ZNF84: variants seen among roughly 807,000 people sequenced by gnomAD.
The protein encoded by ZNF84 is zinc finger protein HPF2.
A neutral mutation model predicts 14.8 loss-of-function variants in ZNF84; 12 were observed. The observed-to-expected ratio is 0.81, with a 90% CI of 0.52 to 1.31. The LOEUF (loss-of-function observed/expected upper bound fraction) is 1.31. Ranked by LOEUF, ZNF84 falls within the 50% of genes most tolerant of loss-of-function variation. The probability of loss-of-function intolerance (pLI) is 0.00; values close to 1 mark genes in which losing one functional copy is unlikely to be tolerated. For missense variants in ZNF84, 859 were observed against 878.6 expected, an observed-to-expected ratio of 0.98 and a Z score of 0.28; for synonymous variants, 347 against 291.1, an observed-to-expected ratio of 1.19 and a Z score of -1.96.
rs1205264629 is a variant in ZNF84 at position 133,058,479 on chromosome 12, C to T, written c.1764C>T (p.Thr588=). The change falls in exon 5 of 5, where the codon ACC becomes ACT. Residue 588 remains threonine, a synonymous_variant. Transcript: ENST00000539354. ...KAFSQKSQLN[T]HQRIHTGEKP... ...TCTCCCAGAAATCACAGCTAAATAC[C>T]CATCAGAGAATTCACACTGGAGAGA... 5.6e-6 allele frequency: 9 copies of T among 1,613,292 alleles called. No individual in the cohort carries two copies. In the African/African-American group the frequency reaches 1.2e-4, roughly 22 times the overall value.
rs1954232409 is a variant in ZNF84 at position 133,060,042 on chromosome 12, T to C, written c.*1110T>C. 6.6e-6 allele frequency: 1 copy of C among 152,174 alleles called. No individual in the cohort carries two copies. Among genetic ancestry groups the C allele is most frequent in the Admixed American group, 6.5e-5 (1 of 15,274 alleles). The allele number at this position is 152,174 out of a possible 1,614,324, so 9.4% of individuals were successfully genotyped here. ...GCAAAATAAAGGTGTGTGAACTACA[T>C]TACAACACCCAAACTAAATGAAATA... On this transcript the variant is annotated 3_prime_UTR_variant, in exon 5 of 5. Coordinates refer to ENST00000539354, the MANE Select transcript of ZNF84 (RefSeq NM_001289971.2).
intron 4 of ZNF84, among the ~76,000 whole-genome samples, chr12:133,052,211 C>T (rs1384453508): frequency 2.0e-5 from 3 of 152,116 alleles, no homozygotes; most frequent in African/African-American, 4.8e-5. Context: ...ATCAAGGTAC[C>T]ACCATGATCT....
intron 4 of ZNF84, among the ~76,000 whole-genome samples, chr12:133,050,326 C>T (rs1337849822): frequency 6.6e-6 from 1 of 152,154 alleles, no homozygotes; most frequent in East Asian, 1.9e-4. Flanking sequence ...TACTAACTCC[C>T]ATCTCTCAGT....
intron 1 of ZNF84, among the ~76,000 whole-genome samples, chr12:133,040,136 C>T (rs894213918): frequency 6.6e-6 from 1 of 151,984 alleles, no homozygotes; most frequent in Non-Finnish European, 1.5e-5. Flanking sequence ...GCCATCGCTC[C>T]TGGCCAATTT....
Position 133,058,636 on chromosome 12 carries a change from A to T in ZNF84, c.1921A>T (p.Ser641Cys), listed in dbSNP as rs1230271156. ...TAGAAAAGCCTTCAGGGAGAAGTCA[A>T]GTCTCATCAATCATCAGAGAATACA... is the stretch of plus-strand genomic sequence containing the variant. Reference protein sequence around the residue: ...ECRKAFREKSSLINHQRIHTG... With the variant: ...ECRKAFREKSCLINHQRIHTG... The change falls in exon 5 of 5, where the codon AGT (serine) becomes TGT (cysteine). Residue 641 changes from serine to cysteine, a missense_variant. Ser to Cys is a moderately radical substitution (Grantham distance 112). Coordinates refer to ENST00000539354, the MANE Select transcript of ZNF84 (RefSeq NM_001289971.2). 1.9e-6 allele frequency: 3 copies of T among 1,614,060 alleles called. No individual in the cohort carries two copies. Among genetic ancestry groups the T allele is most frequent in the Non-Finnish European group, 2.5e-6 (3 of 1,180,024 alleles).
intron 4 of ZNF84, among the ~76,000 whole-genome samples, chr12:133,054,196 A>G (rs1954113925): frequency 6.6e-6 from 1 of 152,134 alleles, no homozygotes; most frequent in African/African-American, 2.4e-5. Flanking sequence ...AGCCTGGACA[A>G]CATAGGGAGA....
In ZNF84 at chr12:133,041,239, CAATGTG is replaced by C. The variant is rs1953881748; in HGVS notation, c.-190-35_-190-30del. The C allele has an allele frequency of 4.0e-6, 2 of 503,588 alleles. 1 individual carries two copies. The highest frequency in any genetic ancestry group is 7.4e-5 in the Admixed American group (2 of 27,202). 31.2% of individuals were successfully genotyped at this position (503,588 alleles called of 1,614,324 possible). ...GCAAGAGAGAAAGAGATTTCATGTG[CAATGTG>C]AATATACCAGTTGAAGTACATTTCT... On this transcript the variant is annotated intron_variant, in intron 1 of 4. Transcript: ENST00000539354.
intron 2 of ZNF84, among the ~76,000 whole-genome samples, chr12:133,044,758 C>T (rs1227376235): frequency 2.6e-5 from 4 of 151,520 alleles, no homozygotes; most frequent in African/African-American, 7.3e-5. Flanking sequence ...TATAATAATA[C>T]AAAAAATTAG....
intron 2 of ZNF84, chr12:133,047,566 G>C (rs1954003268): frequency 6.4e-6 from 1 of 157,046 alleles, no homozygotes; most frequent in African/African-American, 2.4e-5. Context: ...AACCAGGCCC[G>C]ACCCTGCTTA....
chr12:133,063,173 T>C lies in ZNF84; in HGVS notation c.*4241T>C, dbSNP rs1566291752. On this transcript the variant is annotated 3_prime_UTR_variant, in exon 5 of 5. Coordinates refer to ENST00000539354, the MANE Select transcript of ZNF84 (RefSeq NM_001289971.2). The stretch of plus-strand genomic sequence containing the variant: ...AAGCAAAATCAAGAAAGAGTCCCGA[T>C]TGTGTTCCAGTACCTGGTTCTTCTG... 2 of 702,356 alleles carry C rather than the reference T, an allele frequency of 2.8e-6. No individual in the cohort carries two copies. Among genetic ancestry groups the C allele is most frequent in the Non-Finnish European group, 5.2e-6 (2 of 384,826 alleles). The allele number at this position is 702,356 out of a possible 1,614,324, so 43.5% of individuals were successfully genotyped here.
At chr12:133,049,941 T>C (rs1392847969) in intron 4 of ZNF84, among the ~76,000 whole-genome samples, 1 of 152,170 alleles carries the variant, frequency 6.6e-6, no homozygotes, top group East Asian at 1.9e-4. Flanking sequence ...GATTCTAATA[T>C]TTTACAGGCT....
intron 2 of ZNF84, among the ~76,000 whole-genome samples, chr12:133,047,099 C>T (rs933523763): frequency 1.7e-4 from 26 of 151,382 alleles, no homozygotes; most frequent in Non-Finnish European, 2.4e-4. Context: ...CCTTGCCTAT[C>T]CTATTTTCTT....
At chr12:133,048,357 A>G (rs927956613) in intron 3 of ZNF84, 5 of 328,844 alleles carry the variant, frequency 1.5e-5, no homozygotes, top group Admixed American at 4.2e-5. Context: ...ATAACTTACT[A>G]TATGCCACAT....
rs1954253817 is a variant in ZNF84, at chr12:133,060,988, C to G, written c.*2056C>G. The stretch of plus-strand genomic sequence containing the variant: ...TGTTGTATCAGTATGGTATTTTGCA[C>G]CTTTACCTTAAACAATATTTTCTCC... On this transcript the variant is annotated 3_prime_UTR_variant, in exon 5 of 5. Coordinates refer to ENST00000539354, the MANE Select transcript of ZNF84 (RefSeq NM_001289971.2). The G allele has an allele frequency of 1.3e-5, 2 of 152,092 alleles. No homozygotes were observed. The highest frequency in any genetic ancestry group is 2.9e-5 in the Non-Finnish European group (2 of 68,004). 9.4% of individuals were successfully genotyped at this position (152,092 alleles called of 1,614,324 possible). A position where few individuals can be genotyped will look rare whatever the true frequency, so the allele number is the denominator to read the frequency against.
rs1954265411 is a variant in ZNF84, at chr12:133,061,579, T to C, written c.*2647T>C. The C allele has an allele frequency of 6.6e-6, 1 of 152,182 alleles. No individual in the cohort carries two copies. The highest frequency in any genetic ancestry group is 2.4e-5 in the African/African-American group (1 of 41,444). 9.4% of individuals were successfully genotyped at this position (152,182 alleles called of 1,614,324 possible). A position where few individuals can be genotyped will look rare whatever the true frequency, so the allele number is the denominator to read the frequency against. On this transcript the variant is annotated 3_prime_UTR_variant, in exon 5 of 5. Coordinates refer to ENST00000539354, the MANE Select transcript of ZNF84 (RefSeq NM_001289971.2). ...ACAGGGTGATGTTGTACTTTGTGAT[T>C]TTTGCCCTATTTTTTCTTTCCATCT...
rs949814865 is a variant in ZNF84, at chr12:133,040,177, T to A, written c.-190-1101T>A. 3.9e-5 allele frequency among the ~76,000 whole-genome samples: 6 copies of A among 152,138 alleles called. No individual in the cohort carries two copies. In the South Asian group the frequency reaches 1.0e-3, roughly 26 times the overall value. On this transcript the variant is annotated intron_variant, in intron 1 of 4. Coordinates refer to ENST00000539354, the MANE Select transcript of ZNF84 (RefSeq NM_001289971.2). ...TTTTTTTTTTTAAACACCAATAAAT[T>A]TGAGCTCTGAGCTGCTTATAAGGGA...
intron 1 of ZNF84, chr12:133,040,529 G>T (rs991251944): frequency 6.9e-6 from 1 of 145,702 alleles, no homozygotes; most frequent in South Asian, 2.2e-4. Flanking sequence ...CTCTGATTGT[G>T]CCACTGCATG....
intron 4 of ZNF84, among the ~76,000 whole-genome samples, chr12:133,053,959 TA>T (rs1954110944): frequency 6.6e-6 from 1 of 152,216 alleles, no homozygotes; most frequent in African/African-American, 2.4e-5. Context: ...TACAAATATA[TA>T]ACCTTCAGTT....
chr12:133,043,046 C>T (rs1953913789), intron 2 of ZNF84, among the ~76,000 whole-genome samples: 1 of 120,118 alleles, frequency 8.3e-6, no homozygotes, highest in African/African-American at 2.6e-5. Context: ...ATTTTGTCTG[C>T]TGTAGTGTGT....
Sources: gnomAD v4.1 joint callset for allele counts (sites outside exome capture counted in the v4.1 genomes callset) on GRCh38, gnomAD v4.1.1 for gene constraint, MANE v1.5 for transcripts, NCBI Gene and HGNC (gene_info 2026-07-23, HGNC 2026-07-21) for gene names.